The following SV2B variants were observed in gnomAD, a reference collection of about 807,000 sequenced individuals.
The protein encoded by SV2B is synaptic vesicle glycoprotein 2B.
Under a neutral mutation model 73.9 loss-of-function variants are expected in SV2B, and 41 were observed. The observed-to-expected ratio is 0.56, with a 90% CI of 0.43 to 0.72. SV2B has a LOEUF of 0.72. SV2B is among the 30% of genes least tolerant of loss of function. The pLI is 0.00. For missense variants in SV2B, 764 were observed against 857.8 expected (o/e 0.89, Z 1.37); for synonymous variants, 314 against 314.2 (o/e 1.00, Z 0.01).
intron 1 of SV2B, among the ~76,000 whole-genome samples, chr15:91,145,287 A>G (rs1237052684): frequency 6.6e-6 from 1 of 152,188 alleles, no homozygotes; most frequent in Non-Finnish European, 1.5e-5. Flanking sequence ...TAAGGTTTCC[A>G]GCTCTATCCA....
At position 91,265,019 on chromosome 15, in the gene SV2B, A is replaced by G. The variant is rs2048052296; in HGVS notation, c.1009-1563A>G. Among the ~76,000 whole-genome samples, 1 of 152,216 alleles carries G rather than the reference A, an allele frequency of 6.6e-6. No individual in the cohort carries two copies. The highest frequency in any genetic ancestry group is 1.5e-5 in the Non-Finnish European group (1 of 68,048). On this transcript the variant is annotated intron_variant, in intron 6 of 12. Transcript: ENST00000394232. The surrounding 1 kb of genome is among the most constrained non-coding windows in gnomAD (Gnocchi z 4.2). ...ATGGCTGGATGGGCCAGAAAAAGAA[A>G]TGAAAAAAGAGAGACAACCAGAAAG...
intron 1 of SV2B, among the ~76,000 whole-genome samples, chr15:91,212,488 T>G (rs2045901395): frequency 6.6e-6 from 1 of 152,212 alleles, no homozygotes; most frequent in South Asian, 2.1e-4. Flanking sequence ...AGGACTCAAG[T>G]TTGCTAAGAT....
In SV2B at chr15:91,251,832, C is replaced by T; in HGVS notation, c.465C>T (p.Tyr155=). Reference sequence around the variant, plus strand: ...CCCTCATTGCAGGGATGATAGTCTACTTGGGAATGATGGCGGGCGCCTTCA... The same window carrying T: ...CCCTCATTGCAGGGATGATAGTCTATTTGGGAATGATGGCGGGCGCCTTCA... ...SKKGMLGMIV[Y]LGMMAGAFIL... The change falls in exon 3 of 13, where the codon TAC becomes TAT. Residue 155 remains tyrosine, a synonymous_variant. Coordinates refer to ENST00000394232, the MANE Select transcript of SV2B (RefSeq NM_001323032.3). 6.2e-7 allele frequency: 1 copy of T among 1,614,094 alleles called. No homozygotes were observed. Among genetic ancestry groups the T allele is most frequent in the East Asian group, 2.2e-5 (1 of 44,874 alleles).
At chr15:91,173,344 G>A (rs1291779632) in intron 1 of SV2B, among the ~76,000 whole-genome samples, 1 of 152,182 alleles carries the variant, frequency 6.6e-6, no homozygotes, top group African/African-American at 2.4e-5. Flanking sequence ...TACGAGCTGT[G>A]TCAAGGAGCT....
chr15:91,167,221 T>C (rs573846411), intron 1 of SV2B, among the ~76,000 whole-genome samples: 43 of 152,332 alleles, frequency 2.8e-4, no homozygotes, highest in African/African-American at 1.0e-3. Flanking sequence ...CTTTGTCTGA[T>C]AATCTCAACA....
At chr15:91,225,311 T>G (rs904289599) in intron 1 of SV2B, among the ~76,000 whole-genome samples, 7 of 117,124 alleles carry the variant, frequency 6.0e-5, no homozygotes, top group African/African-American at 4.9e-4. Flanking sequence ...TTTCCGGCTA[T>G]TTTTTTTGGC....
intron 1 of SV2B, among the ~76,000 whole-genome samples, chr15:91,221,350 G>C (rs1259232486): frequency 6.6e-6 from 1 of 152,118 alleles, no homozygotes; most frequent in Non-Finnish European, 1.5e-5. Flanking sequence ...TTGCACGCAG[G>C]TAGTAGATGT....
Position 91,241,657 on chromosome 15 carries a change from G to T in SV2B, c.452-10162G>T, listed in dbSNP as rs935537871. Among the ~76,000 whole-genome samples the T allele has an allele frequency of 6.6e-6, 1 of 152,100 alleles. No homozygotes were observed. Among genetic ancestry groups the T allele is most frequent in the African/African-American group, 2.4e-5 (1 of 41,396 alleles). On this transcript the variant is annotated intron_variant, in intron 2 of 12. Coordinates refer to ENST00000394232, the MANE Select transcript of SV2B (RefSeq NM_001323032.3). The surrounding 1 kb of genome is among the most constrained non-coding windows in gnomAD (Gnocchi z 4.8). ...CCCTGTTATCACACCTACCTTCCTC[G>T]CTGCCTCTGTGCTGACCCCGTATTC...
intron 1 of SV2B, among the ~76,000 whole-genome samples, chr15:91,163,330 A>T (rs1157476336): frequency 6.6e-6 from 1 of 152,212 alleles, no homozygotes; most frequent in Admixed American, 6.5e-5. Context: ...ATCCCTGAGG[A>T]ATCGCCACAC....
intron 1 of SV2B, among the ~76,000 whole-genome samples, chr15:91,189,736 C>T (rs1237545143): frequency 2.0e-5 from 3 of 152,330 alleles, no homozygotes; most frequent in South Asian, 2.1e-4. Context: ...CGCCTGTAAT[C>T]CCAGCACTTT....
Position 91,129,634 on chromosome 15 carries a change from C to G in SV2B, c.-392+29271C>G, listed in dbSNP as rs2141147641. ...GTTGCCTCCAGATGGCTTTAGGGGC[C>G]ATGCAGAGGGCAGTGGTAGGTATGA... is the stretch of plus-strand genomic sequence containing the variant. On this transcript the variant is annotated intron_variant, in intron 1 of 12. Coordinates refer to ENST00000394232, the MANE Select transcript of SV2B (RefSeq NM_001323032.3). The surrounding 1 kb of genome is among the most constrained non-coding windows in gnomAD (Gnocchi z 5.1). 6.6e-6 allele frequency among the ~76,000 whole-genome samples: 1 copy of G among 152,324 alleles called. No individual in the cohort carries two copies. The highest frequency in any genetic ancestry group is 2.4e-5 in the African/African-American group (1 of 41,580).
At chr15:91,171,883 C>T (rs1464282716) in intron 1 of SV2B, among the ~76,000 whole-genome samples, 1 of 152,190 alleles carries the variant, frequency 6.6e-6, no homozygotes, top group African/African-American at 2.4e-5. Context: ...CAACATCTCC[C>T]ACCCCTCCTT....
intron 11 of SV2B, among the ~76,000 whole-genome samples, chr15:91,285,238 G>A (rs568132006): frequency 2.6e-4 from 39 of 152,282 alleles, no homozygotes; most frequent in African/African-American, 7.7e-4. Flanking sequence ...CGTGGTAAGC[G>A]TGAGAACTGC....
chr15:91,276,405 T>G (rs563577855), intron 9 of SV2B, among the ~76,000 whole-genome samples: 21 of 152,266 alleles, frequency 1.4e-4, no homozygotes, highest in African/African-American at 4.8e-4. Context: ...TTCCAAATAC[T>G]TCTTCTTTCT....
In SV2B at chr15:91,204,138, C is replaced by T. The variant is rs80142591; in HGVS notation, c.-391-21735C>T. On this transcript the variant is annotated intron_variant, in intron 1 of 12. Coordinates refer to ENST00000394232, the MANE Select transcript of SV2B (RefSeq NM_001323032.3). ...CTTCCAACTGCAGTTTACCCTGGCT[C>T]TGGTAGGGCGTGCGGGACTGCTCCC... Among the ~76,000 whole-genome samples, 476 of 152,262 alleles carry T rather than the reference C, an allele frequency of 3.1e-3. 1 individual carries two copies. The highest frequency in any genetic ancestry group is 0.011 in the African/African-American group (454 of 41,548).
chr15:91,158,218 C>A (rs1190316519), intron 1 of SV2B, among the ~76,000 whole-genome samples: 2 of 152,134 alleles, frequency 1.3e-5, no homozygotes, highest in Non-Finnish European at 2.9e-5. Flanking sequence ...TGTCTTGGTG[C>A]TGTTGTCTCA....
At chr15:91,266,718 G>A in intron 7 of SV2B, 26 bp downstream of exon 7, 2 of 1,567,628 alleles carry the variant, frequency 1.3e-6, no homozygotes, top group Non-Finnish European at 1.8e-6. Flanking sequence ...TACTTTGGAT[G>A]AGGATGCGTC....
At chr15:91,233,630 T>C (rs917594106) in intron 2 of SV2B, among the ~76,000 whole-genome samples, 1 of 152,124 alleles carries the variant, frequency 6.6e-6, no homozygotes, top group African/African-American at 2.4e-5. Flanking sequence ...ACTGATGAAA[T>C]TGGGAACACT....
At chr15:91,249,152 C>T (rs1326083990) in intron 2 of SV2B, among the ~76,000 whole-genome samples, 2 of 152,042 alleles carry the variant, frequency 1.3e-5, no homozygotes, top group Non-Finnish European at 2.9e-5. Context: ...CCTGAACCCT[C>T]ACCAGATTCC....
Sources: allele counts gnomAD v4.1 joint callset (sites outside exome capture counted in the v4.1 genomes callset), GRCh38; gene constraint gnomAD v4.1.1; non-coding constraint Gnocchi (gnomAD v3.1); transcripts MANE v1.5; gene names NCBI Gene and HGNC (gene_info 2026-07-23, HGNC 2026-07-21).